Variants in MRPS9 observed in about 807,000 individuals in gnomAD.
MRPS9 encodes the protein mitochondrial ribosomal protein S9.
A neutral mutation model predicts 59.9 loss-of-function variants in MRPS9; 45 were observed. The ratio of observed to expected loss-of-function variants is 0.75; its 90% CI spans 0.59 to 0.96. MRPS9 has a LOEUF of 0.96. MRPS9 is among the 40% of genes least tolerant of loss of function. The pLI is 0.00. For synonymous variants in MRPS9, 171 were observed against 166.8 expected (o/e 1.03, Z -0.19); for missense variants, 473 against 481.1 (o/e 0.98, Z 0.16).
intron 4 of MRPS9, among the ~76,000 whole-genome samples, chr2:105,071,906 T>C (rs1315284076): frequency 6.6e-6 from 1 of 152,166 alleles, no homozygotes; most frequent in Non-Finnish European, 1.5e-5. Flanking sequence ...CATTGTCTTG[T>C]CTTACATAGT....
chr2:105,064,023 G>A (rs1573428745), intron 2 of MRPS9, among the ~76,000 whole-genome samples: 1 of 152,194 alleles, frequency 6.6e-6, no homozygotes, highest in African/African-American at 2.4e-5. Flanking sequence ...TGGATGTGCT[G>A]TTTGGATACA....
intron 2 of MRPS9, among the ~76,000 whole-genome samples, chr2:105,063,048 A>T (rs1334417609): frequency 6.6e-6 from 1 of 152,268 alleles, no homozygotes; most frequent in African/African-American, 2.4e-5. Context: ...ACAGTTCAAA[A>T]ATACTACAAA....
intron 4 of MRPS9, among the ~76,000 whole-genome samples, chr2:105,078,314 A>AGGTG (rs1553442669): frequency 1.4e-5 from 1 of 71,816 alleles, no homozygotes; most frequent in African/African-American, 6.8e-5. Flanking sequence ...CGGTGAAGTC[A>AGGTG]AGTGTGTGTG....
intron 4 of MRPS9, among the ~76,000 whole-genome samples, chr2:105,079,721 C>T (rs1024459966): frequency 6.6e-6 from 1 of 151,970 alleles, no homozygotes; most frequent in African/African-American, 2.4e-5. Context: ...TGAAACAATA[C>T]AGAAATTCTC....
chr2:105,090,282 C>T (rs898520753), intron 7 of MRPS9, among the ~76,000 whole-genome samples: 15 of 152,162 alleles, frequency 9.9e-5, no homozygotes, highest in Non-Finnish European at 1.9e-4. Context: ...TTTAGGGAAG[C>T]ACGGCAGATG....
chr2:105,070,964 C>G (rs1269694909), intron 2 of MRPS9, among the ~76,000 whole-genome samples: 1 of 152,178 alleles, frequency 6.6e-6, no homozygotes, highest in Non-Finnish European at 1.5e-5. Context: ...TTGATATGTG[C>G]ACGACCAGCT....
At chr2:105,050,801 C>CT (rs781570576) in intron 2 of MRPS9, among the ~76,000 whole-genome samples, 2 of 152,164 alleles carry the variant, frequency 1.3e-5, no homozygotes, top group African/African-American at 2.4e-5. Context: ...TCTCTAGACT[C>CT]TAAGTTTGCC....
chr2:105,061,783 A>T (rs887049709), intron 2 of MRPS9, among the ~76,000 whole-genome samples: 1 of 152,168 alleles, frequency 6.6e-6, no homozygotes, highest in African/African-American at 2.4e-5. Flanking sequence ...ATGGGTGCTT[A>T]GAGAGGACAT....
At position 105,099,767 on chromosome 2, in the gene MRPS9, T is replaced by C. The variant is rs1004954211; in HGVS notation, c.*6T>C. ...TTACGTGGAAGAAACGCTAAGGGTT[T>C]GCTCCCAGGAAAGGAGAGGAAGAGC... is the stretch of plus-strand genomic sequence containing the variant. On this transcript the variant is annotated 3_prime_UTR_variant, in exon 11 of 11. Coordinates refer to ENST00000258455, the MANE Select transcript of MRPS9 (RefSeq NM_182640.3). The C allele has an allele frequency of 6.2e-7, 1 of 1,614,042 alleles. No individual in the cohort carries two copies. Among genetic ancestry groups the C allele is most frequent in the African/African-American group, 1.3e-5 (1 of 75,038 alleles).
intron 10 of MRPS9, among the ~76,000 whole-genome samples, chr2:105,097,752 G>A (rs866974512): frequency 6.6e-6 from 1 of 152,226 alleles, no homozygotes; most frequent in Non-Finnish European, 1.5e-5. Context: ...CCAGGCTGGA[G>A]TGCAGTGGTA....
chr2:105,052,699 C>G (rs1476136859), intron 2 of MRPS9, among the ~76,000 whole-genome samples: 1 of 152,042 alleles, frequency 6.6e-6, no homozygotes, highest in Non-Finnish European at 1.5e-5. Context: ...GTATTAATTC[C>G]TCTTTAAGAA....
At chr2:105,046,932 C>T (rs1341746906) in intron 1 of MRPS9, among the ~76,000 whole-genome samples, 2 of 151,946 alleles carry the variant, frequency 1.3e-5, no homozygotes, top group Non-Finnish European at 2.9e-5. Context: ...TTTCTCTTCA[C>T]TTTGAATATG....
At position 105,099,675 on chromosome 2, in the gene MRPS9, C is replaced by CTACT. The variant is rs1220793808; in HGVS notation, c.1110_1113dup (p.Thr372TyrfsTer3). On this transcript the variant is annotated frameshift_variant, in exon 11 of 11. Coordinates refer to ENST00000258455, the MANE Select transcript of MRPS9 (RefSeq NM_182640.3). LOFTEE classifies it high-confidence loss of function. The stretch of plus-strand genomic sequence containing the variant: ...CTTCTCTTTTTATGCTGCAGCTGGA[C>CTACT]TACTTACTACTGATCCACGTGTGAG... 14 of 1,612,734 alleles carry CTACT rather than the reference C, an allele frequency of 8.7e-6. No homozygotes were observed. The highest frequency in any genetic ancestry group is 1.2e-5 in the Non-Finnish European group (14 of 1,179,270).
chr2:105,056,561 T>C (rs938320126), intron 2 of MRPS9, among the ~76,000 whole-genome samples: 1 of 152,244 alleles, frequency 6.6e-6, no homozygotes, highest in African/African-American at 2.4e-5. Context: ...GAATTAAAAC[T>C]AAAAGCCATT....
intron 1 of MRPS9, among the ~76,000 whole-genome samples, chr2:105,043,503 A>C (rs545226437): frequency 2.0e-5 from 3 of 152,202 alleles, no homozygotes; most frequent in Non-Finnish European, 4.4e-5. Context: ...GACAGTTGGA[A>C]TACCGTTTTG....
intron 9 of MRPS9, 35 bp downstream of exon 9, chr2:105,093,673 G>T: frequency 1.8e-6 from 2 of 1,095,294 alleles, no homozygotes; most frequent in Non-Finnish European, 2.7e-6. Flanking sequence ...GTTTTTAAAG[G>T]AAACATACTT....
At position 105,038,104 on chromosome 2, in the gene MRPS9, C is replaced by T. The variant is rs1352392593; in HGVS notation, c.12C>T (p.Pro4=). 5 of 1,613,934 alleles carry T rather than the reference C, an allele frequency of 3.1e-6. No homozygotes were observed. The highest frequency in any genetic ancestry group is 4.2e-6 in the Non-Finnish European group (5 of 1,180,012). MAA[P]CVSYGGAVSY... ...CTCCCACAGCTAACATGGCGGCGCC[C>T]TGTGTGTCCTACGGCGGAGCAGTTT... is the stretch of plus-strand genomic sequence containing the variant. Residue 4 remains proline, a synonymous_variant, in exon 1 of 11, where the codon CCC becomes CCT. Coordinates refer to ENST00000258455, the MANE Select transcript of MRPS9 (RefSeq NM_182640.3).
At position 105,067,477 on chromosome 2, in the gene MRPS9, G is replaced by A. The variant is rs568933089; in HGVS notation, c.316-3836G>A. ...TGACTGATCCCTTGGTTACAGTGAT[G>A]ACCACTAGACCTCTTTATTGTAAAA... is the stretch of plus-strand genomic sequence containing the variant. On this transcript the variant is annotated intron_variant, in intron 2 of 10. Coordinates refer to ENST00000258455, the MANE Select transcript of MRPS9 (RefSeq NM_182640.3). 2.0e-5 allele frequency among the ~76,000 whole-genome samples: 3 copies of A among 152,300 alleles called. No individual in the cohort carries two copies. The South Asian group carries it at 6.2e-4, about 32-fold the overall frequency.
At chr2:105,075,920 T>C (rs1029394392) in intron 4 of MRPS9, among the ~76,000 whole-genome samples, 6 of 152,136 alleles carry the variant, frequency 3.9e-5, no homozygotes, top group African/African-American at 1.4e-4. Flanking sequence ...TAGATCCCAT[T>C]AAGTTCAGGA....
Sources: gnomAD v4.1 joint callset for allele counts (sites outside exome capture counted in the v4.1 genomes callset) on GRCh38, gnomAD v4.1.1 for gene constraint, MANE v1.5 for transcripts, NCBI Gene and HGNC (gene_info 2026-07-23, HGNC 2026-07-21) for gene names.